The following GNAS-AS1 variants were observed in gnomAD, a reference collection of about 807,000 sequenced individuals.
GNAS-AS1 encodes GNAS antisense RNA 1 (non-protein coding).
intron 2 of GNAS-AS1, among the ~76,000 whole-genome samples, chr20:58,847,188 G>C (rs1568915908): frequency 6.6e-6 from 1 of 152,100 alleles, no homozygotes; most frequent in African/African-American, 2.4e-5. Flanking sequence ...CTGAACTCAC[G>C]ATGGGGGCTT....
chr20:58,841,810 C>T lies in GNAS-AS1; in HGVS notation n.819+127G>A. On this transcript the variant is annotated intron_variant and non_coding_transcript_variant, in intron 4 of 4. Coordinates refer to ENST00000424094, the Ensembl canonical transcript of GNAS-AS1. The surrounding 1 kb of genome is among the most constrained non-coding windows in gnomAD (Gnocchi z 5.0). ...GGTGGCCAGGCTGCATGCGGCTTAG[C>T]AGGAGACGTCCTGGGCTGTTTGCGC... 1 of 1,230,864 alleles carries T rather than the reference C, an allele frequency of 8.1e-7. No homozygotes were observed. 76.2% of individuals were successfully genotyped at this position (1,230,864 alleles called of 1,614,324 possible).
In GNAS-AS1 at chr20:58,842,943, G is replaced by GT. The variant is rs544784473; in HGVS notation, n.414-399dup. 2.6e-5 allele frequency among the ~76,000 whole-genome samples: 4 copies of GT among 152,260 alleles called. No individual in the cohort carries two copies. In the South Asian group the frequency reaches 8.3e-4, roughly 32 times the overall value. ...GCCTTGTTGCAGGATGAATAAACAA[G>GT]TTTTTTAAAAGCCCTCCGTGTCGAG... On this transcript the variant is annotated intron_variant and non_coding_transcript_variant, in intron 2 of 4. Transcript: ENST00000424094.
At chr20:58,842,689 C>T (rs1043408037) in intron 2 of GNAS-AS1, 3 of 395,760 alleles carry the variant, frequency 7.6e-6, no homozygotes, top group Non-Finnish European at 1.3e-5. Context: ...TTAATGTAAA[C>T]AATGATGGTG....
intron 4 of GNAS-AS1, chr20:58,839,698 G>A: frequency 2.1e-6 from 1 of 471,344 alleles, no homozygotes; most frequent in East Asian, 3.2e-5. Context: ...CCCGGCAGAA[G>A]TCCGGGCGCG....
At chr20:58,844,227 C>A (rs925912945) in intron 2 of GNAS-AS1, among the ~76,000 whole-genome samples, 2 of 152,154 alleles carry the variant, frequency 1.3e-5, no homozygotes, top group Admixed American at 6.5e-5. Flanking sequence ...TAACTGCTTA[C>A]CTGGAAGGTG....
At chr20:58,831,853 A>C (rs1036901963) in intron 4 of GNAS-AS1, among the ~76,000 whole-genome samples, 2 of 152,236 alleles carry the variant, frequency 1.3e-5, no homozygotes, top group African/African-American at 4.8e-5. Context: ...CAGGAAGCTT[A>C]TATAGCCTCA....
chr20:58,829,027 C>A (rs1315478539), intron 4 of GNAS-AS1, among the ~76,000 whole-genome samples: 1 of 151,632 alleles, frequency 6.6e-6, no homozygotes, highest in Non-Finnish European at 1.5e-5. Flanking sequence ...AGCTCCTGGC[C>A]CCACCGCCCC....
chr20:58,822,315 G>A (rs2085492042), intron 4 of GNAS-AS1, among the ~76,000 whole-genome samples: 2 of 152,190 alleles, frequency 1.3e-5, no homozygotes, highest in African/African-American at 4.8e-5. Flanking sequence ...AATGCCTAAG[G>A]AGGCCAGGCC....
intron 4 of GNAS-AS1, among the ~76,000 whole-genome samples, chr20:58,833,575 G>C (rs1387178853): frequency 6.6e-6 from 1 of 152,092 alleles, no homozygotes; most frequent in African/African-American, 2.4e-5. Flanking sequence ...CATACACAAG[G>C]AAAGAAGAAG....
intron 2 of GNAS-AS1, among the ~76,000 whole-genome samples, chr20:58,847,076 C>G (rs570373044): frequency 6.6e-6 from 1 of 152,314 alleles, no homozygotes; most frequent in South Asian, 2.1e-4. Context: ...ACTGTTCAAG[C>G]ACAGGTGGTC....
intron 2 of GNAS-AS1, among the ~76,000 whole-genome samples, chr20:58,848,185 G>A (rs986797712): frequency 5.3e-5 from 8 of 152,168 alleles, no homozygotes; most frequent in Non-Finnish European, 7.3e-5. Context: ...AAGTGCAGAC[G>A]CTATTATTTT....
intron 4 of GNAS-AS1, among the ~76,000 whole-genome samples, chr20:58,837,542 A>C (rs1267214033): frequency 6.6e-6 from 1 of 152,248 alleles, no homozygotes; most frequent in Non-Finnish European, 1.5e-5. Flanking sequence ...TCCCAGGTTC[A>C]AGCAATTCTT....
At chr20:58,847,932 T>C (rs535264801) in intron 2 of GNAS-AS1, among the ~76,000 whole-genome samples, 1 of 152,316 alleles carries the variant, frequency 6.6e-6, no homozygotes, top group South Asian at 2.1e-4. Context: ...AAAGCATCAA[T>C]AGAGAGGTGA....
chr20:58,834,019 G>A (rs1378069450), intron 4 of GNAS-AS1: 1 of 152,162 alleles, frequency 6.6e-6, no homozygotes, highest in Admixed American at 6.5e-5. Context: ...ATCATATTTT[G>A]AAGAGCTCGA....
intron 4 of GNAS-AS1, among the ~76,000 whole-genome samples, chr20:58,831,307 G>C (rs1257945483): frequency 6.6e-6 from 1 of 151,862 alleles, no homozygotes; most frequent in Non-Finnish European, 1.5e-5. Context: ...ACTCACATCG[G>C]GTTGCCAGCT....
chr20:58,840,127 T>C lies in GNAS-AS1; in HGVS notation n.819+1810A>G. ...AGAGGATGGATCGGAGGTCCCGGGC[T>C]CAGCAGTGGCGCCGAGCTCGCCATA... On this transcript the variant is annotated intron_variant and non_coding_transcript_variant, in intron 4 of 4. Coordinates refer to ENST00000424094, the Ensembl canonical transcript of GNAS-AS1. This position sits in a 1 kb window ranked among gnomAD's most constrained non-coding sequence, Gnocchi z 6.0. The C allele has an allele frequency of 6.2e-7, 1 of 1,611,444 alleles. No individual in the cohort carries two copies. The highest frequency in any genetic ancestry group is 8.5e-7 in the Non-Finnish European group (1 of 1,179,964).
intron 4 of GNAS-AS1, among the ~76,000 whole-genome samples, chr20:58,820,964 C>T (rs2085482542): frequency 6.6e-6 from 1 of 152,198 alleles, no homozygotes; most frequent in African/African-American, 2.4e-5. Context: ...TGAAAAGACC[C>T]CAGCTACCCA....
chr20:58,826,279 A>G (rs2085519678), intron 4 of GNAS-AS1: 1 of 391,620 alleles, frequency 2.6e-6, no homozygotes, highest in African/African-American at 2.1e-5. Flanking sequence ...TATTAACAAC[A>G]CTGCTGCTGT....
chr20:58,830,315 A>AC (rs2085549858), intron 4 of GNAS-AS1, among the ~76,000 whole-genome samples: 2 of 115,356 alleles, frequency 1.7e-5, no homozygotes, highest in Non-Finnish European at 3.6e-5. Flanking sequence ...CACCACCACC[A>AC]CACCATCATC....
Sources: gnomAD v4.1 joint callset for allele counts (sites outside exome capture counted in the v4.1 genomes callset) on GRCh38, gnomAD v4.1.1 for gene constraint, Gnocchi (gnomAD v3.1) non-coding constraint, MANE v1.5 for transcripts, NCBI Gene and HGNC (gene_info 2026-07-23, HGNC 2026-07-21) for gene names.